TPRG1: variants seen among roughly 807,000 people sequenced by gnomAD.
TPRG1 encodes the protein tumor protein p63 regulated 1, also known as tumor protein p63-regulated gene 1 protein.
TPRG1 carries 29 observed loss-of-function variants against 29.3 expected under a neutral mutation model. The ratio of observed to expected loss-of-function variants is 0.99; its 90% CI spans 0.74 to 1.35. The LOEUF (loss-of-function observed/expected upper bound fraction) is 1.35. Among genes scored for constraint, TPRG1 ranks in the 40% most tolerant of loss-of-function variants. TPRG1 has a pLI of 0.00. For synonymous variants in TPRG1, 130 were observed against 116.8 expected (o/e 1.11, Z -0.73); for missense variants, 327 against 335.0 (o/e 0.98, Z 0.19).
chr3:189,152,959 T>C (rs1198356538), intron 5 of TPRG1, among the ~76,000 whole-genome samples: 1 of 152,210 alleles, frequency 6.6e-6, no homozygotes, highest in African/African-American at 2.4e-5. Flanking sequence ...GTAGGACTGC[T>C]ACCCGCCGTT....
chr3:189,006,183 T>C (rs1057011280), intron 3 of TPRG1, among the ~76,000 whole-genome samples: 1 of 152,100 alleles, frequency 6.6e-6, no homozygotes, highest in African/African-American at 2.4e-5. Context: ...CTAAGCACAC[T>C]TTCTTGCAGT....
intron 5 of TPRG1, chr3:189,151,232 A>G (rs994516518): frequency 3.7e-5 from 4 of 107,210 alleles, no homozygotes; most frequent in East Asian, 2.7e-4. Flanking sequence ...TCGTCCTTCA[A>G]TAAGCTCAGT....
chr3:189,269,553 C>T (rs2109076094), intron 4 of TPRG1, among the ~76,000 whole-genome samples: 1 of 152,078 alleles, frequency 6.6e-6, no homozygotes, highest in Admixed American at 6.5e-5. Context: ...GGAGGAATGG[C>T]ATGTGTGCTG....
At chr3:189,048,200 A>G (rs1277993641) in intron 4 of TPRG1, among the ~76,000 whole-genome samples, 1 of 152,244 alleles carries the variant, frequency 6.6e-6, no homozygotes, top group Non-Finnish European at 1.5e-5. Flanking sequence ...ACAGGCATGA[A>G]AACAACATTA....
intron 5 of TPRG1, among the ~76,000 whole-genome samples, chr3:189,166,500 C>T (rs1728184234): frequency 6.6e-6 from 1 of 152,188 alleles, no homozygotes; most frequent in South Asian, 2.1e-4. Context: ...CCGAGGGAAA[C>T]TTGCATAAGG....
intron 5 of TPRG1, chr3:189,312,952 G>A (rs1722943032): frequency 6.6e-6 from 1 of 152,138 alleles, no homozygotes; most frequent in Admixed American, 6.5e-5. Context: ...CGGTGAGTTG[G>A]TTGGTTGACT....
At chr3:189,108,462 C>T (rs114081158) in intron 1 of TPRG1, among the ~76,000 whole-genome samples, 1 of 151,716 alleles carries the variant, frequency 6.6e-6, no homozygotes, top group African/African-American at 2.4e-5. Context: ...GAATTAATTA[C>T]TTTTTCTCTG....
intron 4 of TPRG1, among the ~76,000 whole-genome samples, chr3:189,272,725 T>TTTC (rs1560633471): frequency 2.4e-4 from 34 of 143,746 alleles, no homozygotes; most frequent in African/African-American, 9.0e-4. Context: ...CCTTCCTTCC[T>TTTC]TCCTTCCTTC....
At chr3:189,147,832 G>A (rs544431635) in intron 4 of TPRG1, among the ~76,000 whole-genome samples, 29 of 152,156 alleles carry the variant, frequency 1.9e-4, no homozygotes, top group Non-Finnish European at 2.9e-5. Flanking sequence ...ATGGGGGTGG[G>A]CAGGAGGTTA....
upstream of TPRG1, among the ~76,000 whole-genome samples, chr3:189,097,046 G>T (rs1718726919): frequency 6.6e-6 from 1 of 152,132 alleles, no homozygotes; most frequent in African/African-American, 2.4e-5. Context: ...TTTTAAATGT[G>T]TATTTTCTCC....
chr3:189,201,548 A>C (rs879631823), intron 1 of TPRG1, among the ~76,000 whole-genome samples: 1 of 152,210 alleles, frequency 6.6e-6, no homozygotes, highest in African/African-American at 2.4e-5. Context: ...TCTTGTGAAG[A>C]GGTTCACCTT....
chr3:189,013,576 G>A (rs1712760588), intron 3 of TPRG1, among the ~76,000 whole-genome samples: 1 of 152,128 alleles, frequency 6.6e-6, no homozygotes, highest in South Asian at 2.1e-4. Flanking sequence ...GAAAATCCCT[G>A]TTATTTTCTG....
intron 1 of TPRG1, among the ~76,000 whole-genome samples, chr3:189,205,431 C>T (rs139767079): frequency 1.3e-5 from 2 of 152,328 alleles, no homozygotes; most frequent in East Asian, 3.9e-4. Context: ...GTCAATAGCA[C>T]CCTTTTCATG....
chr3:188,998,854 C>T (rs192513867), intron 1 of TPRG1, among the ~76,000 whole-genome samples: 5 of 152,042 alleles, frequency 3.3e-5, no homozygotes, highest in Non-Finnish European at 7.4e-5. Flanking sequence ...TGTTAATGGG[C>T]GCTAAAATGT....
chr3:189,271,409 A>G (rs1365215801), intron 4 of TPRG1, among the ~76,000 whole-genome samples: 1 of 150,958 alleles, frequency 6.6e-6, no homozygotes, highest in East Asian at 1.9e-4. Flanking sequence ...TCTTGCATAT[A>G]GTATATGTCT....
intron 4 of TPRG1, among the ~76,000 whole-genome samples, chr3:189,243,417 A>T (rs1190107475): frequency 6.6e-6 from 1 of 152,184 alleles, no homozygotes; most frequent in East Asian, 1.9e-4. Context: ...CTGTGATGGG[A>T]GGACCCCCCA....
intron 4 of TPRG1, among the ~76,000 whole-genome samples, chr3:189,027,021 T>C (rs1207288351): frequency 6.6e-6 from 1 of 152,216 alleles, no homozygotes; most frequent in African/African-American, 2.4e-5. Flanking sequence ...TGCTGATCAA[T>C]GTGTTAACAG....
chr3:189,274,328 C>T (rs897663184), intron 4 of TPRG1, among the ~76,000 whole-genome samples: 2 of 152,158 alleles, frequency 1.3e-5, no homozygotes, highest in Admixed American at 6.5e-5. Context: ...ATGGAATATG[C>T]AATCTAGTCT....
intron 4 of TPRG1, among the ~76,000 whole-genome samples, chr3:189,286,146 CCT>C (rs1269621744): frequency 6.6e-6 from 1 of 152,044 alleles, no homozygotes; most frequent in Non-Finnish European, 1.5e-5. Context: ...AATTTGCTGT[CCT>C]CTCTGCTTAG....
Sources: allele counts gnomAD v4.1 joint callset (sites outside exome capture counted in the v4.1 genomes callset), GRCh38; gene constraint gnomAD v4.1.1; transcripts MANE v1.5; gene names NCBI Gene and HGNC (gene_info 2026-07-23, HGNC 2026-07-21).